RASGRF2: variants seen among roughly 807,000 people sequenced by gnomAD.
The protein encoded by RASGRF2 is ras-specific guanine nucleotide-releasing factor 2.
Under a neutral mutation model 151.0 loss-of-function variants are expected in RASGRF2, and 76 were observed. That is an observed-to-expected ratio of 0.50 (90% CI 0.42 to 0.61). RASGRF2 has a LOEUF of 0.61. Ranked by LOEUF, RASGRF2 falls within the 20% of genes least tolerant of loss-of-function variation. The pLI is 0.00. For missense variants in RASGRF2, 1,148 were observed against 1,564.6 expected (o/e 0.73, Z 4.49); for synonymous variants, 504 against 566.5 (o/e 0.89, Z 1.57).
At chr5:80,962,425 T>C (rs1747592611) in intron 1 of RASGRF2, among the ~76,000 whole-genome samples, 2 of 152,072 alleles carry the variant, frequency 1.3e-5, no homozygotes, top group African/African-American at 4.8e-5. Flanking sequence ...AACATTCTAT[T>C]GGTGGGATTT....
intron 1 of RASGRF2, among the ~76,000 whole-genome samples, chr5:81,023,006 G>A (rs1309339870): frequency 2.0e-5 from 3 of 151,852 alleles, no homozygotes; most frequent in Admixed American, 6.6e-5. Flanking sequence ...GAGGTTCCTA[G>A]GTGGAGCAGC....
intron 19 of RASGRF2, among the ~76,000 whole-genome samples, chr5:81,205,691 G>A (rs1286254156): frequency 6.6e-6 from 1 of 152,130 alleles, no homozygotes; most frequent in Non-Finnish European, 1.5e-5. Context: ...TTTACTAAAA[G>A]TAGCTTCCTC....
intron 1 of RASGRF2, among the ~76,000 whole-genome samples, chr5:81,020,869 T>C (rs1561558565): frequency 1.3e-5 from 2 of 152,198 alleles, no homozygotes; most frequent in South Asian, 4.1e-4. Context: ...CTGCACTCAG[T>C]CCTACGAGGT....
chr5:81,058,775 CAAAAAAAAAAAAAAA>C (rs56875865), intron 2 of RASGRF2, among the ~76,000 whole-genome samples: 1 of 70,114 alleles, frequency 1.4e-5, no homozygotes, highest in Non-Finnish European at 2.5e-5. Flanking sequence ...GGCCCTGTAT[CAAAAAAAAAAAAAAA>C]AAAAAAAAAA....
At chr5:81,043,036 G>T (rs1275836817) in intron 2 of RASGRF2, 53 bp downstream of exon 2, 1 of 1,358,688 alleles carries the variant, frequency 7.4e-7, no homozygotes, top group Non-Finnish European at 1.0e-6. Flanking sequence ...CCTGCATTGG[G>T]GTTATCACTG....
At chr5:80,994,819 T>C (rs1012833858) in intron 1 of RASGRF2, among the ~76,000 whole-genome samples, 4 of 152,192 alleles carry the variant, frequency 2.6e-5, no homozygotes, top group African/African-American at 9.7e-5. Context: ...ATTAGTGCAA[T>C]TTTCAAAAAG....
chr5:81,032,957 T>A (rs910661810), intron 1 of RASGRF2, among the ~76,000 whole-genome samples: 5 of 152,152 alleles, frequency 3.3e-5, no homozygotes, highest in African/African-American at 9.7e-5. Context: ...AGTCTCAGGA[T>A]ACAAAATCAA....
rs1755818308 is a variant in RASGRF2, at chr5:81,219,739, G to T, written c.3582G>T (p.Gln1194His). The T allele has an allele frequency of 6.2e-7, 1 of 1,611,636 alleles. No homozygotes were observed. Among genetic ancestry groups the T allele is most frequent in the Non-Finnish European group, 8.5e-7 (1 of 1,177,876 alleles). Residue 1194 changes from glutamine to histidine, a missense_variant, in exon 26 of 27, where the codon CAG becomes CAT. Around this residue, in one of 5 missense-constraint regions of RASGRF2, gnomAD observed 100 missense variants for 148.2 expected, o/e 0.67. Transcript: ENST00000265080. ...MISHIIREIR[Q>H]FQQTSYRIDH... ...CACACATCATCAGAGAGATACGCCAGTTCCAGCAGACTTCCTACAGAATAG... is the reference window on the plus strand; with the variant it reads ...CACACATCATCAGAGAGATACGCCATTTCCAGCAGACTTCCTACAGAATAG...
intron 1 of RASGRF2, among the ~76,000 whole-genome samples, chr5:81,014,683 T>C (rs1333748713): frequency 6.6e-6 from 1 of 152,196 alleles, no homozygotes; most frequent in Non-Finnish European, 1.5e-5. Flanking sequence ...TTAAAACTTA[T>C]TAAAATAAGG....
In RASGRF2 at chr5:81,226,711, C is replaced by G. The variant is rs17294418; in HGVS notation, c.*941C>G. ...TCCCCACTCATAGTACTGCAGGAAT[C>G]TATTCTCATTTACACAGACCTTTTT... On this transcript the variant is annotated 3_prime_UTR_variant, in exon 27 of 27. Coordinates refer to ENST00000265080, the MANE Select transcript of RASGRF2 (RefSeq NM_006909.3). 28,835 of 152,186 alleles carry G rather than the reference C, an allele frequency of 0.19. 2,901 individuals carry two copies. Among genetic ancestry groups the G allele is most frequent in the Admixed American group, 0.28 (4,216 of 15,298 alleles). 9.4% of individuals were successfully genotyped at this position (152,186 alleles called of 1,614,324 possible). A position where few individuals can be genotyped will look rare whatever the true frequency, so the allele number is the denominator to read the frequency against.
chr5:81,198,463 G>A (rs776208872), intron 18 of RASGRF2, among the ~76,000 whole-genome samples: 4 of 150,630 alleles, frequency 2.7e-5, no homozygotes, highest in Admixed American at 6.6e-5. Context: ...TTTTTGAGAC[G>A]GAGTCTCGCT....
In RASGRF2 at chr5:81,086,906, A is replaced by G. The variant is rs763270531; in HGVS notation, c.1343A>G (p.Glu448Gly). The change falls in exon 9 of 27, where the codon GAG (glutamate) becomes GGG (glycine). Residue 448 changes from glutamate (E) to glycine (G), a missense_variant. Physicochemically the swap from Glu to Gly is moderately conservative, Grantham distance 98. This residue lies in a region of RASGRF2 where 176 missense variants were observed against 309.6 expected (regional missense o/e 0.57). Transcript: ENST00000265080. ...CTTGCCATCGAAAGAATGATCGTGG[A>G]GGGCTGTGACATCTTGCTGGACACC... ...KNLAIERMIV[E>G]GCDILLDTSQ... 1 of 1,614,238 alleles carries G rather than the reference A, an allele frequency of 6.2e-7. No individual in the cohort carries two copies. Among genetic ancestry groups the G allele is most frequent in the Non-Finnish European group, 8.5e-7 (1 of 1,180,030 alleles).
At chr5:81,162,347 T>A (rs1754403984) in intron 17 of RASGRF2, among the ~76,000 whole-genome samples, 1 of 152,000 alleles carries the variant, frequency 6.6e-6, no homozygotes, top group African/African-American at 2.4e-5. Context: ...TTTTTTGTTT[T>A]GTTTTTGTTT....
chr5:81,218,192 C>A (rs975556782), intron 25 of RASGRF2, among the ~76,000 whole-genome samples: 4 of 152,124 alleles, frequency 2.6e-5, no homozygotes, highest in Admixed American at 2.6e-4. Flanking sequence ...TTTAATCTTG[C>A]GGTGGAAGAG....
At chr5:81,144,676 G>T (rs1338032387) in intron 17 of RASGRF2, among the ~76,000 whole-genome samples, 1 of 152,146 alleles carries the variant, frequency 6.6e-6, no homozygotes, top group Non-Finnish European at 1.5e-5. Flanking sequence ...GTGATTTAGA[G>T]TTATACACTT....
intron 17 of RASGRF2, among the ~76,000 whole-genome samples, chr5:81,129,877 T>C (rs1753569138): frequency 6.6e-6 from 1 of 152,058 alleles, no homozygotes; most frequent in South Asian, 2.1e-4. Flanking sequence ...AAATTTGGGG[T>C]TTATTTGAGA....
intron 1 of RASGRF2, among the ~76,000 whole-genome samples, chr5:80,998,429 G>A (rs1397831845): frequency 3.9e-5 from 6 of 152,100 alleles, no homozygotes; most frequent in African/African-American, 1.4e-4. Context: ...ATTCTTGAAA[G>A]ACAAAAGCCG....
chr5:81,219,687 T>G, intron 25 of RASGRF2, 23 bp from the exon 26 acceptor site: 4 of 1,582,024 alleles, frequency 2.5e-6, no homozygotes, highest in Non-Finnish European at 3.5e-6. Context: ...GTTGTCATTT[T>G]GTTTTGTTTT....
Position 81,217,213 on chromosome 5 carries a change from T to G in RASGRF2, c.3435-143T>G, listed in dbSNP as rs1010668730. On this transcript the variant is annotated intron_variant, in intron 24 of 26. Coordinates refer to ENST00000265080, the MANE Select transcript of RASGRF2 (RefSeq NM_006909.3). ...AATGTGTTTAAAATTCTGCGTATTA[T>G]GAATATGCTTCTGAAACTGAAATAA... The G allele has an allele frequency of 3.1e-5, 39 of 1,249,854 alleles. No homozygotes were observed. In the African/African-American group the frequency reaches 5.7e-4, roughly 18 times the overall value. The allele number at this position is 1,249,854 out of a possible 1,614,324, so 77.4% of individuals were successfully genotyped here.
Sources: allele counts gnomAD v4.1 joint callset (sites outside exome capture counted in the v4.1 genomes callset), GRCh38; gene constraint gnomAD v4.1.1; regional missense constraint gnomAD v4.1.1; transcripts MANE v1.5; gene names NCBI Gene and HGNC (gene_info 2026-07-23, HGNC 2026-07-21).